DAB1: variants seen among roughly 807,000 people sequenced by gnomAD.
The protein encoded by DAB1 is DAB adaptor protein 1.
Under a neutral mutation model 64.6 loss-of-function variants are expected in DAB1, and 15 were observed. That is an observed-to-expected ratio of 0.23 (90% CI 0.16 to 0.36). DAB1 has a LOEUF of 0.36. Among genes scored for constraint, DAB1 ranks in the 10% least tolerant of loss-of-function variants. The pLI, the probability that DAB1 is intolerant of heterozygous loss-of-function variation, is 1.00. For synonymous variants in DAB1, 235 were observed against 251.9 expected (o/e 0.93, Z 0.64); for missense variants, 596 against 706.7 (o/e 0.84, Z 1.78).
intron 2 of DAB1, among the ~76,000 whole-genome samples, chr1:57,235,789 T>C (rs1279732469): frequency 1.3e-5 from 2 of 152,074 alleles, no homozygotes; most frequent in East Asian, 3.9e-4. Flanking sequence ...AAGGAATCGC[T>C]TGCATTTTAA....
At chr1:57,312,125 T>C (rs1410166278) in intron 1 of DAB1, among the ~76,000 whole-genome samples, 1 of 152,206 alleles carries the variant, frequency 6.6e-6, no homozygotes, top group Non-Finnish European at 1.5e-5. Flanking sequence ...TTTTATGCCA[T>C]CCATAATCTC....
At chr1:57,232,018 G>A (rs561880232) in intron 2 of DAB1, among the ~76,000 whole-genome samples, 2 of 152,296 alleles carry the variant, frequency 1.3e-5, no homozygotes, top group African/African-American at 4.8e-5. Flanking sequence ...TGCCTGGGCT[G>A]ACCTCCCCAG....
intron 2 of DAB1, among the ~76,000 whole-genome samples, chr1:57,154,412 T>G (rs778628210): frequency 4.2e-4 from 64 of 152,350 alleles, no homozygotes; most frequent in Middle Eastern, 6.8e-3. Context: ...ATTATGTAAA[T>G]GTAACATTTT....
intron 9 of DAB1, among the ~76,000 whole-genome samples, chr1:57,055,900 A>G (rs1311611707): frequency 6.6e-6 from 1 of 152,142 alleles, no homozygotes; most frequent in Non-Finnish European, 1.5e-5. Flanking sequence ...AGGATCTTAC[A>G]AAGAAGTAGG....
intron 6 of DAB1, among the ~76,000 whole-genome samples, chr1:57,704,533 A>C (rs550000547): frequency 1.3e-5 from 2 of 152,218 alleles, no homozygotes; most frequent in Non-Finnish European, 2.9e-5. Context: ...AATCTCAAGC[A>C]GCAAAGGAAC....
chr1:57,456,965 C>T (rs1437454739), intron 7 of DAB1, among the ~76,000 whole-genome samples: 1 of 151,990 alleles, frequency 6.6e-6, no homozygotes, highest in Non-Finnish European at 1.5e-5. Flanking sequence ...AAATCATAAC[C>T]CCCAGAATGA....
intron 1 of DAB1, among the ~76,000 whole-genome samples, chr1:57,322,345 T>C (rs1190096744): frequency 6.6e-6 from 1 of 152,106 alleles, no homozygotes; most frequent in Non-Finnish European, 1.5e-5. Context: ...CCAATAAGTA[T>C]CACTAGTGCA....
upstream of DAB1, among the ~76,000 whole-genome samples, chr1:57,888,296 C>A (rs894454026): frequency 3.9e-5 from 6 of 152,068 alleles, no homozygotes; most frequent in African/African-American, 1.4e-4. Flanking sequence ...AATTATTCCC[C>A]GATCCACCAT....
Position 57,015,447 on chromosome 1 carries a change from A to AG in DAB1, c.896-17dup. 6.3e-7 allele frequency: 1 copy of AG among 1,588,284 alleles called. No homozygotes were observed. The highest frequency in any genetic ancestry group is 8.6e-7 in the Non-Finnish European group (1 of 1,167,056). Reference sequence around the variant, plus strand: ...GCAACGTAACCTGGGAGAATGAAAAAGGAGAGTCAGGTGTTTCCCTGGTGT... The same window carrying AG: ...GCAACGTAACCTGGGAGAATGAAAAAGGGAGAGTCAGGTGTTTCCCTGGTGT... On this transcript the variant is annotated splice_polypyrimidine_tract_variant and intron_variant, in intron 11 of 14. Transcript: ENST00000371236.
At chr1:57,312,052 T>C (rs1674755401) in intron 1 of DAB1, among the ~76,000 whole-genome samples, 1 of 152,350 alleles carries the variant, frequency 6.6e-6, no homozygotes, top group Admixed American at 6.5e-5. Context: ...AGTCCACAGT[T>C]GTTCCTTCAT....
chr1:57,924,626 A>AAT (rs1553143934), intron 5 of DAB1, among the ~76,000 whole-genome samples: 51,720 of 131,686 alleles, frequency 0.39, 10,870 homozygotes, highest in Admixed American at 0.49. Context: ...CACTTGGCTA[A>AAT]TTTTTTTTTT....
At chr1:57,010,363 G>C (rs1646226795) in intron 14 of DAB1, among the ~76,000 whole-genome samples, 1 of 152,094 alleles carries the variant, frequency 6.6e-6, no homozygotes. Context: ...AATATGATCA[G>C]TTCCCACTTC....
intron 4 of DAB1, among the ~76,000 whole-genome samples, chr1:58,315,193 C>G (rs1662531037): frequency 6.6e-6 from 1 of 152,176 alleles, no homozygotes; most frequent in Non-Finnish European, 1.5e-5. Context: ...GCACAGGATA[C>G]TAACTAGTAA....
chr1:57,617,485 GGGTCCCTT>G (rs1645803558), intron 7 of DAB1, among the ~76,000 whole-genome samples: 1 of 152,052 alleles, frequency 6.6e-6, no homozygotes, highest in Non-Finnish European at 1.5e-5. Flanking sequence ...AAGTTAAGAT[GGGTCCCTT>G]GGCATACATC....
chr1:57,345,253 C>T (rs900168485), intron 1 of DAB1, among the ~76,000 whole-genome samples: 56 of 152,166 alleles, frequency 3.7e-4, no homozygotes, highest in African/African-American at 1.3e-3. Flanking sequence ...GCCAGGTGAG[C>T]CTGCGCTGAT....
chr1:57,085,519 T>C (rs1380017883), intron 4 of DAB1, among the ~76,000 whole-genome samples: 1 of 152,224 alleles, frequency 6.6e-6, no homozygotes, highest in Non-Finnish European at 1.5e-5. Flanking sequence ...CTGTGCTAGG[T>C]GCTGGGGGTG....
intron 5 of DAB1, chr1:58,056,153 G>A (rs879179027): frequency 5.6e-6 from 8 of 1,436,108 alleles, no homozygotes; most frequent in South Asian, 2.3e-5. Flanking sequence ...TTTGGTGGGG[G>A]ACGTGGGGCA....
chr1:58,489,016 C>T (rs950480915), intron 3 of DAB1, among the ~76,000 whole-genome samples: 1 of 152,216 alleles, frequency 6.6e-6, no homozygotes, highest in Non-Finnish European at 1.5e-5. Context: ...CCAGCGTCAG[C>T]GACGCAGAAG....
At chr1:57,112,439 C>A (rs1424856005) in intron 4 of DAB1, among the ~76,000 whole-genome samples, 1 of 152,122 alleles carries the variant, frequency 6.6e-6, no homozygotes, top group Non-Finnish European at 1.5e-5. Context: ...CCTGACCTAG[C>A]GGGCCCTTAT....
Sources: gnomAD v4.1 joint callset for allele counts (sites outside exome capture counted in the v4.1 genomes callset) on GRCh38, gnomAD v4.1.1 for gene constraint, MANE v1.5 for transcripts, NCBI Gene and HGNC (gene_info 2026-07-23, HGNC 2026-07-21) for gene names.